Variants in BMP5 observed in about 807,000 individuals in gnomAD.
BMP5 encodes the protein bone morphogenetic protein 5.
In BMP5, 23 loss-of-function variants were observed where a neutral mutation model predicts 46.6. The ratio of observed to expected loss-of-function variants is 0.49; its 90% CI spans 0.35 to 0.70. BMP5 has a LOEUF of 0.70. BMP5 is among the 30% of genes least tolerant of loss of function. The pLI is 0.00. For synonymous variants in BMP5, 204 were observed against 191.9 expected, an observed-to-expected ratio of 1.06 and a Z score of -0.52; for missense variants, 545 against 565.6, an observed-to-expected ratio of 0.96 and a Z score of 0.37.
intron 4 of BMP5, among the ~76,000 whole-genome samples, chr6:55,761,434 C>A (rs1774774397): frequency 6.6e-6 from 1 of 152,080 alleles, no homozygotes; most frequent in South Asian, 2.1e-4. Context: ...AGAGTGGTTA[C>A]AAGGCTCTTT....
chr6:55,810,904 C>G (rs940977776), intron 2 of BMP5, among the ~76,000 whole-genome samples: 1 of 152,170 alleles, frequency 6.6e-6, no homozygotes, highest in South Asian at 2.1e-4. Flanking sequence ...ACACACATAC[C>G]TGCCCCCTAT....
Position 55,819,706 on chromosome 6 carries a change from T to C in BMP5, c.632A>G (p.Asn211Ser). 6.2e-7 allele frequency: 1 copy of C among 1,613,846 alleles called. No homozygotes were observed. Among genetic ancestry groups the C allele is most frequent in the Admixed American group, 1.7e-5 (1 of 59,938 alleles). ...ATATATGCTAATCTTAATTGTTTCA[T>C]TTTCAAATCGGTTGTTGCTCCGGTC... ...YKDRSNNRFE[N>S]ETIKISIYQI... The change falls in exon 2 of 7, where the codon AAT becomes AGT. Residue 211 changes from asparagine (N) to serine (S), a missense_variant. By Grantham distance (46) the Asn-to-Ser change is conservative. Coordinates refer to ENST00000370830, the MANE Select transcript of BMP5 (RefSeq NM_021073.4).
chr6:55,831,690 G>A (rs970992812), intron 1 of BMP5, among the ~76,000 whole-genome samples: 1 of 151,838 alleles, frequency 6.6e-6, no homozygotes, highest in Admixed American at 6.6e-5. Context: ...TTTCTGGAAA[G>A]AGAGATGAAG....
chr6:55,818,807 T>C (rs1776338916), intron 2 of BMP5, among the ~76,000 whole-genome samples: 1 of 152,096 alleles, frequency 6.6e-6, no homozygotes, highest in South Asian at 2.1e-4. Context: ...AATATTTTTC[T>C]AATCAAAAAA....
Position 55,774,255 on chromosome 6 carries a change from T to C in BMP5, c.833-12A>G. On this transcript the variant is annotated splice_polypyrimidine_tract_variant and intron_variant, in intron 3 of 6. Transcript: ENST00000370830. ...GTTGATACTGCGTCCTAGAACGTAATACAAAAGCACTTGGTTTATGAAAAA... is the reference window on the plus strand; with the variant it reads ...GTTGATACTGCGTCCTAGAACGTAACACAAAAGCACTTGGTTTATGAAAAA... 1 of 1,610,444 alleles carries C rather than the reference T, an allele frequency of 6.2e-7. No homozygotes were observed. The highest frequency in any genetic ancestry group is 8.5e-7 in the Non-Finnish European group (1 of 1,177,248).
intron 4 of BMP5, among the ~76,000 whole-genome samples, chr6:55,768,581 A>G (rs969763906): frequency 3.3e-5 from 5 of 151,958 alleles, no homozygotes; most frequent in African/African-American, 9.7e-5. Context: ...TTATTGGGAT[A>G]TAACCCCATT....
intron 1 of BMP5, among the ~76,000 whole-genome samples, chr6:55,839,016 A>G (rs534008847): frequency 6.6e-6 from 1 of 152,264 alleles, no homozygotes; most frequent in African/African-American, 2.4e-5. Flanking sequence ...ATCAAGATAT[A>G]ATTTGCATCT....
At chr6:55,755,798 C>G in intron 6 of BMP5, 116 bp from the exon 7 acceptor site, 1 of 1,007,942 alleles carries the variant, frequency 9.9e-7, no homozygotes, top group Non-Finnish European at 1.5e-6. Flanking sequence ...AAGCTGATCT[C>G]CCTTCTCCCA....
In BMP5 at chr6:55,874,633, G is replaced by C. The variant is rs1213088318; in HGVS notation, c.233C>G (p.Pro78Arg). 6.2e-7 allele frequency: 1 copy of C among 1,613,604 alleles called. No homozygotes were observed. Among genetic ancestry groups the C allele is most frequent in the Non-Finnish European group, 8.5e-7 (1 of 1,179,726 alleles). The change falls in exon 1 of 7, where the codon CCT (proline) becomes CGT (arginine). Residue 78 changes from proline (P) to arginine (R), a missense_variant. Coordinates refer to ENST00000370830, the MANE Select transcript of BMP5 (RefSeq NM_021073.4). Reference sequence around the variant, plus strand: ...ATTGTAGAGATCCAGCATAAAGAGAGGTGCAGAGGACGCTTGTTTTCCAGG... The same window carrying C: ...ATTGTAGAGATCCAGCATAAAGAGACGTGCAGAGGACGCTTGTTTTCCAGG... Reference protein sequence around the residue: ...FSPGKQASSAPLFMLDLYNAM... With the variant: ...FSPGKQASSARLFMLDLYNAM...
At chr6:55,796,654 C>T (rs1401531625) in intron 2 of BMP5, among the ~76,000 whole-genome samples, 1 of 127,504 alleles carries the variant, frequency 7.8e-6, no homozygotes, top group African/African-American at 2.9e-5. Flanking sequence ...TTCCCCCTCC[C>T]CCCACCCCAC....
chr6:55,809,287 T>G (rs1275540354), intron 2 of BMP5, among the ~76,000 whole-genome samples: 1 of 152,196 alleles, frequency 6.6e-6, no homozygotes, highest in Non-Finnish European at 1.5e-5. Flanking sequence ...ATGAGTTGTA[T>G]GCATTATTCT....
chr6:55,834,119 T>C (rs1776728386), intron 1 of BMP5, among the ~76,000 whole-genome samples: 1 of 152,154 alleles, frequency 6.6e-6, no homozygotes, highest in African/African-American at 2.4e-5. Flanking sequence ...AGCAATCACC[T>C]AATTACCCTC....
chr6:55,818,747 G>A (rs1248069741), intron 2 of BMP5, among the ~76,000 whole-genome samples: 1 of 151,928 alleles, frequency 6.6e-6, no homozygotes, highest in Non-Finnish European at 1.5e-5. Flanking sequence ...TGCAAATATT[G>A]TCAACAAGGA....
intron 2 of BMP5, among the ~76,000 whole-genome samples, chr6:55,811,458 C>T (rs926640150): frequency 6.6e-6 from 1 of 152,170 alleles, no homozygotes; most frequent in Non-Finnish European, 1.5e-5. Flanking sequence ...GCACTTAGCA[C>T]AGCGCCAGAC....
chr6:55,856,215 T>C (rs898763835), intron 1 of BMP5, among the ~76,000 whole-genome samples: 2 of 152,246 alleles, frequency 1.3e-5, no homozygotes, highest in African/African-American at 2.4e-5. Flanking sequence ...TTATCAATTG[T>C]TCTCCCCTTT....
intron 2 of BMP5, among the ~76,000 whole-genome samples, chr6:55,819,056 G>A (rs557947540): frequency 1.5e-3 from 229 of 152,186 alleles, no homozygotes; most frequent in Non-Finnish European, 2.4e-3. Context: ...AGTGATTTCT[G>A]CATTTTGTTA....
intron 2 of BMP5, among the ~76,000 whole-genome samples, chr6:55,809,969 T>C (rs1315739872): frequency 6.6e-6 from 1 of 152,168 alleles, no homozygotes; most frequent in Non-Finnish European, 1.5e-5. Context: ...CCAATAAAAA[T>C]ATAATGATGG....
At chr6:55,850,892 C>T (rs1777226439) in intron 1 of BMP5, among the ~76,000 whole-genome samples, 1 of 152,130 alleles carries the variant, frequency 6.6e-6, no homozygotes, top group Non-Finnish European at 1.5e-5. Context: ...AAACAGTTTA[C>T]CTTACAAGAT....
chr6:55,836,631 TACACAC>T lies in BMP5; in HGVS notation c.491-16790_491-16785del, dbSNP rs61358651. On this transcript the variant is annotated intron_variant, in intron 1 of 6. Coordinates refer to ENST00000370830, the MANE Select transcript of BMP5 (RefSeq NM_021073.4). ...ACACACACACAAACACATACATACA[TACACAC>T]ACACACACACACACACACACACACA... Among the ~76,000 whole-genome samples the T allele has an allele frequency of 8.8e-3, 1,227 of 139,596 alleles. 13 individuals are homozygous for T. Among genetic ancestry groups the T allele is most frequent in the African/African-American group, 0.031 (1,119 of 36,208 alleles). 91.6% of individuals were successfully genotyped at this position (139,596 alleles called of 152,430 possible).
Sources: gnomAD v4.1 joint callset for allele counts (sites outside exome capture counted in the v4.1 genomes callset) on GRCh38, gnomAD v4.1.1 for gene constraint, MANE v1.5 for transcripts, NCBI Gene and HGNC (gene_info 2026-07-23, HGNC 2026-07-21) for gene names.